TBC1D22A: variants seen among roughly 807,000 people sequenced by gnomAD.
The protein encoded by TBC1D22A is putative GTPase activator.
In TBC1D22A, 38 loss-of-function variants were observed where a neutral mutation model predicts 60.2. The observed-to-expected ratio is 0.63, with a 90% CI of 0.49 to 0.83. The LOEUF (loss-of-function observed/expected upper bound fraction) is 0.83. TBC1D22A is among the 40% of genes least tolerant of loss of function. TBC1D22A has a pLI of 0.00. For synonymous variants in TBC1D22A, 302 were observed against 281.7 expected (o/e 1.07, Z -0.72); for missense variants, 628 against 701.0 (o/e 0.90, Z 1.18).
chr22:47,038,057 C>T (rs1376638829), intron 11 of TBC1D22A, among the ~76,000 whole-genome samples: 1 of 152,216 alleles, frequency 6.6e-6, no homozygotes, highest in African/African-American at 2.4e-5. Flanking sequence ...CTTATTCTAG[C>T]ACCTTTTCAT....
intron 4 of TBC1D22A, among the ~76,000 whole-genome samples, chr22:46,852,422 A>G (rs2087329926): frequency 6.6e-6 from 1 of 152,102 alleles, no homozygotes. Flanking sequence ...ATCCCTTGGT[A>G]CACGTTCCCT....
In TBC1D22A at chr22:47,001,970, A is replaced by G. The variant is rs2060179284; in HGVS notation, c.1201+4261A>G. Among the ~76,000 whole-genome samples the G allele has an allele frequency of 2.6e-5, 4 of 152,202 alleles. No individual in the cohort carries two copies. In the South Asian group the frequency reaches 6.2e-4, roughly 24 times the overall value. On this transcript the variant is annotated intron_variant, in intron 10 of 12. Transcript: ENST00000337137. ...TACTTAAAATTTAATAAGCATTTGTAGGCTCAAAGAGGGTATGCTGTTCTT... is the reference window on the plus strand; with the variant it reads ...TACTTAAAATTTAATAAGCATTTGTGGGCTCAAAGAGGGTATGCTGTTCTT...
intron 1 of TBC1D22A, among the ~76,000 whole-genome samples, chr22:46,790,035 T>G (rs1427152405): frequency 6.6e-6 from 1 of 152,276 alleles, no homozygotes; most frequent in Non-Finnish European, 1.5e-5. Flanking sequence ...TTTCTGTGAC[T>G]GCTCTAGCAA....
intron 8 of TBC1D22A, among the ~76,000 whole-genome samples, chr22:46,924,208 A>G (rs2070916457): frequency 6.6e-6 from 1 of 152,226 alleles, no homozygotes; most frequent in Non-Finnish European, 1.5e-5. Context: ...TTGGACTGAT[A>G]GCTCGGAGTG....
chr22:46,989,447 G>A (rs570193489), intron 9 of TBC1D22A, among the ~76,000 whole-genome samples: 22 of 152,136 alleles, frequency 1.4e-4, no homozygotes, highest in African/African-American at 5.1e-4. Flanking sequence ...GTGAGAGAAT[G>A]TGCGACTCTT....
chr22:46,904,301 G>A (rs1279844214), intron 7 of TBC1D22A, among the ~76,000 whole-genome samples: 3 of 150,426 alleles, frequency 2.0e-5, no homozygotes, highest in Non-Finnish European at 4.4e-5. Context: ...TGTTGGGGAT[G>A]GGACCTCTTT....
intron 11 of TBC1D22A, among the ~76,000 whole-genome samples, chr22:47,078,196 T>C (rs748347607): frequency 6.6e-6 from 1 of 152,136 alleles, no homozygotes; most frequent in Admixed American, 6.5e-5. Context: ...TTGGTAAAAG[T>C]ATGTGGCAGT....
At chr22:47,079,788 C>T (rs2064384400) in intron 11 of TBC1D22A, among the ~76,000 whole-genome samples, 1 of 152,086 alleles carries the variant, frequency 6.6e-6, no homozygotes, top group Admixed American at 6.5e-5. Context: ...ATCATATTAA[C>T]AGTTATGTTA....
intron 10 of TBC1D22A, among the ~76,000 whole-genome samples, chr22:46,999,973 C>G (rs1602913428): frequency 6.6e-6 from 1 of 152,094 alleles, no homozygotes; most frequent in African/African-American, 2.4e-5. Context: ...CGCAGTGAGC[C>G]GAGATCGTGC....
intron 9 of TBC1D22A, among the ~76,000 whole-genome samples, chr22:46,994,092 T>A (rs1433574896): frequency 6.6e-6 from 1 of 152,252 alleles, no homozygotes; most frequent in African/African-American, 2.4e-5. Context: ...TGCAGACCTT[T>A]TCGTTATTGG....
intron 12 of TBC1D22A, among the ~76,000 whole-genome samples, chr22:47,156,399 G>C (rs2067718965): frequency 6.6e-6 from 1 of 152,192 alleles, no homozygotes; most frequent in Admixed American, 6.5e-5. Flanking sequence ...CCTGCTGATG[G>C]GGGAGGCGGC....
chr22:46,851,547 C>T lies in TBC1D22A; in HGVS notation c.638-27106C>T, dbSNP rs143287329. On this transcript the variant is annotated intron_variant, in intron 4 of 12. Coordinates refer to ENST00000337137, the MANE Select transcript of TBC1D22A (RefSeq NM_014346.5). Reference sequence around the variant, plus strand: ...AGGCACTGACCCAGTTTGTTTGAAACGGTTTGCCTTGGCGCTCTTGCCTGG... The same window carrying T: ...AGGCACTGACCCAGTTTGTTTGAAATGGTTTGCCTTGGCGCTCTTGCCTGG... 7.9e-3 allele frequency among the ~76,000 whole-genome samples: 1,209 copies of T among 152,362 alleles called. 6 individuals carry two copies. The highest frequency in any genetic ancestry group is 0.012 in the Non-Finnish European group (819 of 68,040).
intron 4 of TBC1D22A, among the ~76,000 whole-genome samples, chr22:46,847,492 G>T (rs2087055604): frequency 6.6e-6 from 1 of 152,224 alleles, no homozygotes; most frequent in Admixed American, 6.5e-5. Context: ...CGTTGAGAAT[G>T]ATCATTGTTA....
intron 4 of TBC1D22A, among the ~76,000 whole-genome samples, chr22:46,876,094 G>A (rs2067549525): frequency 1.3e-5 from 2 of 152,180 alleles, no homozygotes; most frequent in Non-Finnish European, 2.9e-5. Flanking sequence ...TTAAAGTGGC[G>A]ACGTCACAGA....
intron 10 of TBC1D22A, among the ~76,000 whole-genome samples, chr22:47,018,920 C>T (rs944979974): frequency 6.9e-6 from 1 of 144,846 alleles, no homozygotes; most frequent in African/African-American, 2.7e-5. Flanking sequence ...TCCCCTCATC[C>T]TCCTCCTGTC....
intron 4 of TBC1D22A, among the ~76,000 whole-genome samples, chr22:46,835,664 G>A (rs774293649): frequency 1.3e-5 from 2 of 152,176 alleles, no homozygotes; most frequent in East Asian, 3.8e-4. Context: ...GGGGCAGAAA[G>A]CTTCTTTAAA....
At chr22:46,948,275 G>A (rs1318273656) in intron 8 of TBC1D22A, among the ~76,000 whole-genome samples, 5 of 152,224 alleles carry the variant, frequency 3.3e-5, no homozygotes, top group Non-Finnish European at 7.3e-5. Context: ...ATGGCATGCA[G>A]ACCTTTTTCC....
intron 4 of TBC1D22A, among the ~76,000 whole-genome samples, chr22:46,834,942 C>T (rs2086455193): frequency 6.6e-6 from 1 of 152,230 alleles, no homozygotes; most frequent in Non-Finnish European, 1.5e-5. Flanking sequence ...TAACCTTAGA[C>T]ACTTCTGAGC....
intron 4 of TBC1D22A, among the ~76,000 whole-genome samples, chr22:46,836,522 C>CA (rs532608262): frequency 0.014 from 1,917 of 141,984 alleles, 26 homozygotes; most frequent in African/African-American, 0.035. Context: ...CATGCTATTA[C>CA]AAAAAAAAAA....
Sources: gnomAD v4.1 joint callset for allele counts (sites outside exome capture counted in the v4.1 genomes callset) on GRCh38, gnomAD v4.1.1 for gene constraint, MANE v1.5 for transcripts, NCBI Gene and HGNC (gene_info 2026-07-23, HGNC 2026-07-21) for gene names.